Variants in DACH1 observed in about 807,000 individuals in gnomAD.
The protein encoded by DACH1 is dachshund homolog 1.
DACH1 carries 12 observed loss-of-function variants against 54.2 expected under a neutral mutation model. That is an observed-to-expected ratio of 0.22 (90% CI 0.14 to 0.36). The LOEUF (loss-of-function observed/expected upper bound fraction) is 0.36, where lower values mean the gene tolerates loss of function less well. DACH1 is among the 10% of genes least tolerant of loss of function. The probability of loss-of-function intolerance (pLI) is 1.00; values close to 1 mark genes in which losing one functional copy is unlikely to be tolerated. For synonymous variants in DACH1, 386 were observed against 366.2 expected (o/e 1.05, Z -0.62); for missense variants, 805 against 929.8 (o/e 0.87, Z 1.75).
intron 1 of DACH1, among the ~76,000 whole-genome samples, chr13:71,864,024 G>A (rs556177774): frequency 7.2e-5 from 11 of 151,918 alleles, no homozygotes; most frequent in Non-Finnish European, 1.5e-4. Context: ...GATTCAAATA[G>A]TTTTAATATA....
chr13:71,860,546 C>A (rs1412835942), intron 1 of DACH1, among the ~76,000 whole-genome samples: 1 of 146,848 alleles, frequency 6.8e-6, no homozygotes, highest in South Asian at 2.1e-4. Flanking sequence ...AACCAAGTAA[C>A]AAAAACCTTA....
At chr13:71,530,855 T>C (rs577620216) in intron 6 of DACH1, among the ~76,000 whole-genome samples, 1 of 152,158 alleles carries the variant, frequency 6.6e-6, no homozygotes, top group Non-Finnish European at 1.5e-5. Flanking sequence ...AAAATAATTT[T>C]TATTTTATTC....
intron 1 of DACH1, among the ~76,000 whole-genome samples, chr13:71,756,337 A>G (rs73525430): frequency 0.062 from 9,391 of 151,848 alleles, 594 homozygotes; most frequent in African/African-American, 0.16. Flanking sequence ...GAGCCACCGC[A>G]CCCGGCCAAG....
chr13:71,479,374 T>G (rs981511513), intron 7 of DACH1, 58 bp from the exon 8 acceptor site: 1 of 1,554,024 alleles, frequency 6.4e-7, no homozygotes, highest in African/African-American at 1.4e-5. Context: ...ATTTCGTTCA[T>G]TACTTAAAAG....
Position 71,579,681 on chromosome 13 carries a change from T to C in DACH1, c.1127-6669A>G, listed in dbSNP as rs73521270. 6.1e-3 allele frequency among the ~76,000 whole-genome samples: 927 copies of C among 152,230 alleles called. 11 individuals carry two copies. The highest frequency in any genetic ancestry group is 0.021 in the African/African-American group (881 of 41,576). ...ATTTCTATATATAAATAACAATGCTTCATGTATTTTTCCTTATGTCGTAGT... is the reference window on the plus strand; with the variant it reads ...ATTTCTATATATAAATAACAATGCTCCATGTATTTTTCCTTATGTCGTAGT... On this transcript the variant is annotated intron_variant, in intron 3 of 10. Coordinates refer to ENST00000613252, the MANE Select transcript of DACH1 (RefSeq NM_080759.6).
At chr13:71,541,622 T>C (rs1418180015) in intron 6 of DACH1, among the ~76,000 whole-genome samples, 2 of 152,174 alleles carry the variant, frequency 1.3e-5, no homozygotes, top group South Asian at 2.1e-4. Flanking sequence ...TTATATGGCA[T>C]TTTACATTTT....
intron 1 of DACH1, among the ~76,000 whole-genome samples, chr13:71,683,765 T>C (rs992603888): frequency 6.6e-6 from 1 of 152,124 alleles, no homozygotes; most frequent in Non-Finnish European, 1.5e-5. Flanking sequence ...ATAGTATCCA[T>C]TTTCCTTGAG....
At chr13:71,679,812 G>A (rs928563390) in intron 2 of DACH1, among the ~76,000 whole-genome samples, 7 of 151,796 alleles carry the variant, frequency 4.6e-5, no homozygotes, top group South Asian at 2.1e-4. Flanking sequence ...GTGAAACTCC[G>A]TCTCTACTAA....
intron 3 of DACH1, among the ~76,000 whole-genome samples, chr13:71,620,400 G>GA: frequency 6.6e-6 from 1 of 151,902 alleles, no homozygotes; most frequent in African/African-American, 2.4e-5. Context: ...TGAGTAAAAT[G>GA]AAAACTATTG....
chr13:71,671,756 A>T (rs1880221044), intron 2 of DACH1, among the ~76,000 whole-genome samples: 1 of 152,116 alleles, frequency 6.6e-6, no homozygotes, highest in Non-Finnish European at 1.5e-5. Flanking sequence ...CGTGGCTAAC[A>T]ACTTTTCATC....
At chr13:71,448,441 GCAAA>G (rs759898610) in intron 10 of DACH1, among the ~76,000 whole-genome samples, 5 of 152,168 alleles carry the variant, frequency 3.3e-5, no homozygotes, top group Non-Finnish European at 5.9e-5. Context: ...CAAAATAAAA[GCAAA>G]CAAACAGGAA....
chr13:71,749,195 G>T (rs1206622003), intron 1 of DACH1, among the ~76,000 whole-genome samples: 2 of 151,794 alleles, frequency 1.3e-5, no homozygotes, highest in African/African-American at 2.4e-5. Flanking sequence ...TGTTGGCCAG[G>T]CTGGTCTCGA....
intron 1 of DACH1, among the ~76,000 whole-genome samples, chr13:71,762,417 G>C (rs947079725): frequency 6.6e-6 from 1 of 152,128 alleles, no homozygotes; most frequent in Non-Finnish European, 1.5e-5. Flanking sequence ...ATATGAGTAA[G>C]TGATATGAAG....
chr13:71,453,070 G>C (rs1303823142), intron 10 of DACH1, among the ~76,000 whole-genome samples: 3 of 152,158 alleles, frequency 2.0e-5, no homozygotes, highest in Non-Finnish European at 4.4e-5. Flanking sequence ...TTAGTAAGAA[G>C]CAAGAAGTCA....
chr13:71,805,789 C>A (rs968419898), intron 1 of DACH1, among the ~76,000 whole-genome samples: 1 of 151,924 alleles, frequency 6.6e-6, no homozygotes, highest in African/African-American at 2.4e-5. Context: ...GAAAGAAATG[C>A]GATAATAATA....
chr13:71,738,391 C>A (rs190227641), intron 1 of DACH1, among the ~76,000 whole-genome samples: 428 of 151,966 alleles, frequency 2.8e-3, no homozygotes, highest in Admixed American at 4.5e-3. Context: ...AAATAAAATT[C>A]AGGGAAAAAG....
At chr13:71,515,347 C>T (rs746676555) in intron 6 of DACH1, among the ~76,000 whole-genome samples, 6 of 151,776 alleles carry the variant, frequency 4.0e-5, no homozygotes, top group Non-Finnish European at 7.4e-5. Context: ...CATATTCCAA[C>T]GAAAATATAA....
rs139468575 is a variant in DACH1, at chr13:71,626,899, G to A, written c.1126+3657C>T. 6.6e-5 allele frequency among the ~76,000 whole-genome samples: 10 copies of A among 152,098 alleles called. No homozygotes were observed. The East Asian group carries it at 1.5e-3, about 24-fold the overall frequency. On this transcript the variant is annotated intron_variant, in intron 3 of 10. Transcript: ENST00000613252. ...GACAGGTCACCTTCAGATGCCAAGA[G>A]CAGACTGTTTATCACCATGCAGACT...
chr13:71,778,846 A>G lies in DACH1; in HGVS notation c.848+87076T>C, dbSNP rs76863694. ...ACCCTAGGAGAAACACTGGTCTAAC[A>G]TGGCATTTGTTTATCAAATGATCAC... On this transcript the variant is annotated intron_variant, in intron 1 of 10. Coordinates refer to ENST00000613252, the MANE Select transcript of DACH1 (RefSeq NM_080759.6). 4.6e-4 allele frequency among the ~76,000 whole-genome samples: 70 copies of G among 152,120 alleles called. No individual in the cohort carries two copies. In the East Asian group the frequency reaches 0.013, roughly 29 times the overall value.
Sources: gnomAD v4.1 joint callset for allele counts (sites outside exome capture counted in the v4.1 genomes callset) on GRCh38, gnomAD v4.1.1 for gene constraint, MANE v1.5 for transcripts, NCBI Gene and HGNC (gene_info 2026-07-23, HGNC 2026-07-21) for gene names.